The following STX12 variants were observed in gnomAD, a reference collection of about 807,000 sequenced individuals.
STX12 encodes syntaxin 12.
A neutral mutation model predicts 42.2 loss-of-function variants in STX12; 17 were observed. The ratio of observed to expected loss-of-function variants is 0.40; its 90% CI spans 0.28 to 0.60. The LOEUF is 0.60. STX12 is among the 20% of genes least tolerant of loss of function. The pLI is 0.39. For synonymous variants in STX12, 108 were observed against 116.7 expected, an observed-to-expected ratio of 0.93 and a Z score of 0.48; for missense variants, 297 against 330.9, an observed-to-expected ratio of 0.90 and a Z score of 0.79.
At chr1:27,810,159 C>A in intron 4 of STX12, 87 bp from the exon 5 acceptor site, 1 of 1,259,870 alleles carries the variant, frequency 7.9e-7, no homozygotes, top group Non-Finnish European at 1.2e-6. Flanking sequence ...GATGTTGCTT[C>A]TTTATACTGT....
At chr1:27,818,239 C>G (rs57968210) in intron 7 of STX12, among the ~76,000 whole-genome samples, 26,569 of 151,910 alleles carry the variant, frequency 0.17, 6,078 homozygotes, top group African/African-American at 0.53. Flanking sequence ...AAATTAGCTA[C>G]GCCTGGTGGC....
chr1:27,815,323 A>T (rs1253872838), intron 6 of STX12, among the ~76,000 whole-genome samples: 1 of 152,184 alleles, frequency 6.6e-6, no homozygotes, highest in East Asian at 1.9e-4. Flanking sequence ...TCAACAGAGG[A>T]AAGTCCAAAT....
At chr1:27,794,025 ATTG>A (rs888695089) in intron 3 of STX12, among the ~76,000 whole-genome samples, 1 of 124,528 alleles carries the variant, frequency 8.0e-6, no homozygotes, top group Admixed American at 7.8e-5. Flanking sequence ...TATTATTTTT[ATTG>A]TTGTTGTCGT....
rs1413275278 is a variant in STX12, at chr1:27,822,426, A to G, written c.*97A>G. On this transcript the variant is annotated 3_prime_UTR_variant, in exon 9 of 9. Coordinates refer to ENST00000373943, the MANE Select transcript of STX12 (RefSeq NM_177424.3). ...TGATCACAAGAAGACAGCATATATC[A>G]GAACGTCCTGTAATCATTTAGTTAG... 3 of 785,780 alleles carry G rather than the reference A, an allele frequency of 3.8e-6. No homozygotes were observed. The highest frequency in any genetic ancestry group is 1.9e-5 in the Admixed American group (1 of 53,696). The allele number at this position is 785,780 out of a possible 1,614,324, so 48.7% of individuals were successfully genotyped here. A position where few individuals can be genotyped will look rare whatever the true frequency, so the allele number is the denominator to read the frequency against.
chr1:27,796,097 T>C (rs563205463), intron 3 of STX12, among the ~76,000 whole-genome samples: 1 of 152,368 alleles, frequency 6.6e-6, no homozygotes, highest in Admixed American at 6.5e-5. Flanking sequence ...TTTTGGATTA[T>C]GCATGCTGTT....
intron 5 of STX12, 132 bp downstream of exon 5, chr1:27,810,421 A>G (rs2088894853): frequency 1.3e-6 from 1 of 776,284 alleles, no homozygotes; most frequent in Non-Finnish European, 2.1e-6. Flanking sequence ...AACATAATCC[A>G]CAGAATAAAA....
At position 27,773,258 on chromosome 1, in the gene STX12, T is replaced by C. The variant is rs992920363; in HGVS notation, c.-50T>C. On this transcript the variant is annotated 5_prime_UTR_variant, in exon 1 of 9. Coordinates refer to ENST00000373943, the MANE Select transcript of STX12 (RefSeq NM_177424.3). ...CAGCCTGCGGGTCCCGGCTGGCGGC[T>C]GCTTCCGGTAGGAGAGCGGTGTAGA... 28 of 1,298,682 alleles carry C rather than the reference T, an allele frequency of 2.2e-5. No homozygotes were observed. The highest frequency in any genetic ancestry group is 2.8e-5 in the Non-Finnish European group (26 of 921,138). 80.4% of individuals were successfully genotyped at this position (1,298,682 alleles called of 1,614,324 possible). A position where few individuals can be genotyped will look rare whatever the true frequency, so the allele number is the denominator to read the frequency against.
intron 2 of STX12, among the ~76,000 whole-genome samples, chr1:27,791,085 A>G (rs1465723750): frequency 6.6e-6 from 1 of 152,074 alleles, no homozygotes; most frequent in East Asian, 1.9e-4. Context: ...ACATGGTGAA[A>G]CTCCATCTCT....
intron 1 of STX12, among the ~76,000 whole-genome samples, chr1:27,780,810 G>A (rs1045821302): frequency 6.6e-6 from 1 of 151,770 alleles, no homozygotes; most frequent in African/African-American, 2.4e-5. Flanking sequence ...AAATTAGCTG[G>A]GTGTGGTGGC....
intron 3 of STX12, among the ~76,000 whole-genome samples, chr1:27,799,400 G>A (rs1189165195): frequency 6.7e-6 from 1 of 150,248 alleles, no homozygotes; most frequent in Admixed American, 6.6e-5. Flanking sequence ...TTACTATTTT[G>A]TACCCATGAT....
intron 1 of STX12, among the ~76,000 whole-genome samples, chr1:27,784,995 A>G (rs1451674167): frequency 6.6e-6 from 1 of 152,104 alleles, no homozygotes; most frequent in Admixed American, 6.6e-5. Context: ...AGAGTTCTCC[A>G]CTGAGAATAT....
chr1:27,799,489 G>GT lies in STX12; in HGVS notation c.289-2178dup, dbSNP rs1301649143. On this transcript the variant is annotated intron_variant, in intron 3 of 8. Coordinates refer to ENST00000373943, the MANE Select transcript of STX12 (RefSeq NM_177424.3). ...AACTCATTAGCTTGTTTTTTTTTTTGTTTTTTTTTTTGAGACAGAACCTGG... is the reference window on the plus strand; with the variant it reads ...AACTCATTAGCTTGTTTTTTTTTTTGTTTTTTTTTTTTGAGACAGAACCTGG... 3.6e-3 allele frequency among the ~76,000 whole-genome samples: 457 copies of GT among 127,660 alleles called. 7 individuals carry two copies. The highest frequency in any genetic ancestry group is 8.1e-3 in the Middle Eastern group (2 of 248). 83.7% of individuals were successfully genotyped at this position (127,660 alleles called of 152,430 possible).
chr1:27,773,751 C>CAG (rs2088611454), intron 1 of STX12: 2 of 262,668 alleles, frequency 7.6e-6, no homozygotes, highest in African/African-American at 4.4e-5. Flanking sequence ...TGACTTGGCG[C>CAG]AGTGGTCAGC....
Position 27,791,132 on chromosome 1 carries a change from G to A in STX12, c.188+1501G>A, listed in dbSNP as rs549061237. ...AAAAATTAGCTGGGCATGGTGGCGC[G>A]TGCCTGTAATCCCGGCTACTTGGGA... On this transcript the variant is annotated intron_variant, in intron 2 of 8. Coordinates refer to ENST00000373943, the MANE Select transcript of STX12 (RefSeq NM_177424.3). Among the ~76,000 whole-genome samples the A allele has an allele frequency of 1.0e-3, 158 of 152,002 alleles. 1 individual carries two copies. The highest frequency in any genetic ancestry group is 3.4e-3 in the African/African-American group (142 of 41,476).
In STX12 at chr1:27,819,723, T is replaced by C. The variant is rs143032204; in HGVS notation, c.723T>C (p.Ala241=). Residue 241 remains alanine (A), a synonymous_variant, in exon 8 of 9, where the codon GCT becomes GCC. Transcript: ENST00000373943. ...ERATEQLQRA[A]YYQKKSRKKM... ...CCACTGAACAGTTACAGCGAGCTGC[T>C]TACTATCAGGTAAAAGCGGGTACCA... is the stretch of plus-strand genomic sequence containing the variant. 1.3e-4 allele frequency: 205 copies of C among 1,613,588 alleles called. No individual in the cohort carries two copies. Among genetic ancestry groups the C allele is most frequent in the Non-Finnish European group, 1.5e-4 (176 of 1,179,722 alleles).
At chr1:27,795,512 G>A (rs2088780395) in intron 3 of STX12, among the ~76,000 whole-genome samples, 1 of 151,910 alleles carries the variant, frequency 6.6e-6, no homozygotes, top group Non-Finnish European at 1.5e-5. Flanking sequence ...TGCCATGTTG[G>A]CCAGGCTGGT....
intron 4 of STX12, among the ~76,000 whole-genome samples, chr1:27,808,671 A>G (rs1210726318): frequency 6.6e-6 from 1 of 152,140 alleles, no homozygotes. Flanking sequence ...TAAAAGTAAT[A>G]CATCCATTAG....
chr1:27,787,148 C>G (rs2088704319), intron 1 of STX12, among the ~76,000 whole-genome samples: 1 of 152,080 alleles, frequency 6.6e-6, no homozygotes, highest in East Asian at 1.9e-4. Context: ...AATATGGTCT[C>G]AAAATAAGAT....
At chr1:27,820,617 G>A (rs537445559) in intron 8 of STX12, among the ~76,000 whole-genome samples, 1 of 152,212 alleles carries the variant, frequency 6.6e-6, no homozygotes, top group African/African-American at 2.4e-5. Flanking sequence ...TCAGTGTGGC[G>A]ATTCCTCAGG....
Sources: allele counts gnomAD v4.1 joint callset (sites outside exome capture counted in the v4.1 genomes callset), GRCh38; gene constraint gnomAD v4.1.1; transcripts MANE v1.5; gene names NCBI Gene and HGNC (gene_info 2026-07-23, HGNC 2026-07-21).